Variants in ATM observed in about 807,000 individuals in gnomAD.
The protein encoded by ATM is ATM serine/threonine kinase, also known as serine-protein kinase ATM.
Under a neutral mutation model 387.0 loss-of-function variants are expected in ATM, and 308 were observed. That is an observed-to-expected ratio of 0.80 (90% CI 0.73 to 0.87). ATM has a LOEUF of 0.87. ATM is among the 40% of genes least tolerant of loss of function. ATM has a pLI of 0.00. For missense variants in ATM, 3,312 were observed against 3,560.9 expected, an observed-to-expected ratio of 0.93 and a Z score of 1.78; for synonymous variants, 1,156 against 1,187.3, an observed-to-expected ratio of 0.97 and a Z score of 0.54.
At chr11:108,252,665 T>G (rs968400992) in intron 11 of ATM, 152 bp from the exon 12 acceptor site, 3 of 628,406 alleles carry the variant, frequency 4.8e-6, no homozygotes, top group Non-Finnish European at 8.5e-6. Flanking sequence ...TCCTTTTAGA[T>G]ATTAAGAAAT....
chr11:108,354,070 A>AACACACACACACACACACAC (rs71047689), intron 60 of ATM, among the ~76,000 whole-genome samples, 190 bp downstream of exon 60: 4 of 114,812 alleles, frequency 3.5e-5, no homozygotes, highest in Non-Finnish European at 3.9e-5. Context: ...CACACACACA[A>AACACACACACACACACACAC]ACACACACAC....
chr11:108,285,388 A>T (rs1357380398), intron 26 of ATM, among the ~76,000 whole-genome samples: 2 of 151,964 alleles, frequency 1.3e-5, no homozygotes, highest in African/African-American at 4.8e-5. Flanking sequence ...TGTCAAAAGA[A>T]GGAGTCAAGT....
chr11:108,312,605 T>C (rs561069917), intron 40 of ATM, 107 bp downstream of exon 40: 168 of 811,114 alleles, frequency 2.1e-4, no homozygotes, highest in Non-Finnish European at 3.4e-4. Context: ...CTGAATTTAC[T>C]TACTGGACTA....
rs141210996 is a variant in ATM, at chr11:108,276,416, G to T, written c.3285-3075G>T. Among the ~76,000 whole-genome samples, 119 of 152,278 alleles carry T rather than the reference G, an allele frequency of 7.8e-4. 1 individual carries two copies. The highest frequency in any genetic ancestry group is 2.6e-3 in the African/African-American group (107 of 41,560). The stretch of plus-strand genomic sequence containing the variant: ...TTTGTTCCCTTGCTGGTGAAGAATT[G>T]TGATCCTTTGCAGCAGAAGAGGCAT... On this transcript the variant is annotated intron_variant, in intron 22 of 62. Coordinates refer to ENST00000675843, the MANE Select transcript of ATM (RefSeq NM_000051.4).
chr11:108,341,988 T>C (rs1026378052), intron 56 of ATM, among the ~76,000 whole-genome samples: 1 of 152,192 alleles, frequency 6.6e-6, no homozygotes, highest in Non-Finnish European at 1.5e-5. Flanking sequence ...AGAGCAGACT[T>C]GTCCAACCCA....
chr11:108,271,561 G>A (rs553876695), intron 20 of ATM, among the ~76,000 whole-genome samples, 155 bp downstream of exon 20: 2 of 152,152 alleles, frequency 1.3e-5, no homozygotes, highest in Non-Finnish European at 2.9e-5. Context: ...TCCCTCAGTC[G>A]CTTGAAGAAC....
At position 108,315,872 on chromosome 11, in the gene ATM, A is replaced by G. The variant is rs876658415; in HGVS notation, c.6056A>G (p.Tyr2019Cys). Residue 2019 changes from tyrosine (Y) to cysteine (C), a missense_variant, in exon 41 of 63, where the codon TAT (tyrosine) becomes TGT (cysteine). By Grantham distance (194) the Tyr-to-Cys change is radical. This residue lies in a region of ATM where 1,405 missense variants were observed against 1,604.4 expected (regional missense o/e 0.88). Coordinates refer to ENST00000675843, the MANE Select transcript of ATM (RefSeq NM_000051.4). The part of the protein sequence containing the change: ...YRSIGEPDSL[Y>C]GCGGGKMLQP... Reference sequence around the variant, plus strand: ...AGTATAGGGGAGCCAGATAGTTTGTATGGCTGTGGTGGAGGGAAGATGTTA... The same window carrying G: ...AGTATAGGGGAGCCAGATAGTTTGTGTGGCTGTGGTGGAGGGAAGATGTTA... 2.5e-6 allele frequency: 4 copies of G among 1,613,244 alleles called. No homozygotes were observed. The highest frequency in any genetic ancestry group is 2.2e-5 in the East Asian group (1 of 44,884).
chr11:108,326,802 C>G (rs146179504), intron 47 of ATM, among the ~76,000 whole-genome samples: 1 of 152,238 alleles, frequency 6.6e-6, no homozygotes, highest in African/African-American at 2.4e-5. Flanking sequence ...TAGTGAATAT[C>G]AGCTCACTGT....
intron 5 of ATM, among the ~76,000 whole-genome samples, chr11:108,236,941 G>A (rs1275297975): frequency 2.0e-5 from 3 of 152,076 alleles, no homozygotes; most frequent in Non-Finnish European, 2.9e-5. Context: ...AGGTGTCAAA[G>A]TCTTCTAATA....
chr11:108,232,658 G>T (rs2079073526), intron 4 of ATM, among the ~76,000 whole-genome samples: 2 of 146,142 alleles, frequency 1.4e-5, no homozygotes, highest in South Asian at 4.4e-4. Context: ...TCACGTGTCA[G>T]CCTCTAGAGT....
Position 108,252,912 on chromosome 11 carries a change from G to A in ATM, c.1898G>A (p.Cys633Tyr), listed in dbSNP as rs750371239. 1 of 1,603,962 alleles carries A rather than the reference G, an allele frequency of 6.2e-7. No individual in the cohort carries two copies. Among genetic ancestry groups the A allele is most frequent in the Admixed American group, 1.7e-5 (1 of 59,928 alleles). The change falls in exon 12 of 63, where the codon TGT becomes TAT. Residue 633 changes from cysteine (C) to tyrosine (Y), a missense_variant and splice_region_variant. Transcript: ENST00000675843. ...AATTTTTTCCAAAGCGTGCCAGAAT[G>A]GTATGTTATCTAATAATGCTCTTTA... ...AMNFFQSVPECEHHQKDKEEL... is the reference protein window; with the variant it reads ...AMNFFQSVPEYEHHQKDKEEL...
chr11:108,259,273 A>G (rs1157611210), intron 16 of ATM, among the ~76,000 whole-genome samples, 198 bp downstream of exon 16: 4 of 152,142 alleles, frequency 2.6e-5, no homozygotes, highest in Non-Finnish European at 4.4e-5. Context: ...GTGGATCACA[A>G]GGTCAGGAGA....
intron 7 of ATM, among the ~76,000 whole-genome samples, chr11:108,246,154 G>A (rs1456256251): frequency 6.6e-6 from 1 of 152,030 alleles, no homozygotes; most frequent in African/African-American, 2.4e-5. Flanking sequence ...AAGTAGCTGT[G>A]TATTTGTTTT....
At chr11:108,358,120 A>G (rs2090248901) in intron 61 of ATM, among the ~76,000 whole-genome samples, 1 of 151,528 alleles carries the variant, frequency 6.6e-6, no homozygotes, top group Admixed American at 6.6e-5. Context: ...GGAGCTGAAA[A>G]TCAAGGCTCG....
chr11:108,228,870 G>A (rs779092391), intron 3 of ATM, among the ~76,000 whole-genome samples: 28 of 152,198 alleles, frequency 1.8e-4, no homozygotes, highest in Non-Finnish European at 3.7e-4. Flanking sequence ...AACAGAAGGA[G>A]TTGAGAGAGG....
intron 1 of ATM, 32 bp from the exon 2 acceptor site, chr11:108,227,563 C>CAT: frequency 2.4e-6 from 3 of 1,273,352 alleles, no homozygotes; most frequent in East Asian, 2.3e-5. Flanking sequence ...TATACATATA[C>CAT]ATATATATAC....
intron 22 of ATM, among the ~76,000 whole-genome samples, chr11:108,275,147 T>A (rs1347596738): frequency 2.6e-5 from 4 of 152,080 alleles, no homozygotes; most frequent in Non-Finnish European, 4.4e-5. Context: ...TCTTGATCTT[T>A]GTTGGATGTT....
intron 61 of ATM, among the ~76,000 whole-genome samples, chr11:108,364,294 T>C (rs745463966): frequency 5.3e-5 from 8 of 152,196 alleles, no homozygotes; most frequent in Non-Finnish European, 4.4e-5. Flanking sequence ...TTACTAAGAT[T>C]TGTAAGCATT....
At chr11:108,335,615 C>G (rs1332224352) in intron 55 of ATM, among the ~76,000 whole-genome samples, 2 of 152,070 alleles carry the variant, frequency 1.3e-5, no homozygotes, top group African/African-American at 4.8e-5. Context: ...GGGGGGACTT[C>G]CAGTTAATCT....
Sources: gnomAD v4.1 joint callset for allele counts (sites outside exome capture counted in the v4.1 genomes callset) on GRCh38, gnomAD v4.1.1 for gene constraint, gnomAD v4.1.1 regional missense constraint, MANE v1.5 for transcripts, NCBI Gene and HGNC (gene_info 2026-07-23, HGNC 2026-07-21) for gene names.